MARCHF8: variants seen among roughly 807,000 people sequenced by gnomAD.
MARCHF8 encodes the protein membrane associated ring-CH-type finger 8.
MARCHF8 carries 40 observed loss-of-function variants against 51.6 expected under a neutral mutation model. The ratio of observed to expected loss-of-function variants is 0.77; its 90% CI spans 0.60 to 1.01. MARCHF8 has a LOEUF of 1.01. MARCHF8 is among the 50% of genes least tolerant of loss of function. The pLI is 0.00. For synonymous variants in MARCHF8, 263 were observed against 280.3 expected (o/e 0.94, Z 0.62); for missense variants, 685 against 708.6 (o/e 0.97, Z 0.38).
intron 1 of MARCHF8, among the ~76,000 whole-genome samples, chr10:45,556,961 A>C (rs1182871099): frequency 6.6e-6 from 1 of 152,118 alleles, no homozygotes; most frequent in African/African-American, 2.4e-5. Flanking sequence ...TTGTGGTAAA[A>C]AACACAAAAC....
intron 1 of MARCHF8, among the ~76,000 whole-genome samples, chr10:45,553,844 CA>C (rs1328522974): frequency 6.6e-6 from 1 of 152,072 alleles, no homozygotes; most frequent in Non-Finnish European, 1.5e-5. Flanking sequence ...CACACACACA[CA>C]CACACACTCT....
At chr10:45,591,351 G>A (rs2044678632) in intron 1 of MARCHF8, among the ~76,000 whole-genome samples, 1 of 152,068 alleles carries the variant, frequency 6.6e-6, no homozygotes, top group Non-Finnish European at 1.5e-5. Context: ...CATAGTCCTA[G>A]CTACTTGGGA....
At chr10:45,574,417 C>A (rs2044466244) in intron 1 of MARCHF8, among the ~76,000 whole-genome samples, 1 of 152,134 alleles carries the variant, frequency 6.6e-6, no homozygotes, top group African/African-American at 2.4e-5. Flanking sequence ...ATCCTCAATA[C>A]CTCCCCTCCA....
chr10:45,500,871 A>G (rs1441348838), intron 2 of MARCHF8, among the ~76,000 whole-genome samples: 1 of 151,980 alleles, frequency 6.6e-6, no homozygotes, highest in Non-Finnish European at 1.5e-5. Flanking sequence ...CTATATATAT[A>G]TATACATATA....
intron 2 of MARCHF8, among the ~76,000 whole-genome samples, chr10:45,508,080 C>T (rs1278396740): frequency 1.3e-5 from 2 of 152,080 alleles, no homozygotes; most frequent in Non-Finnish European, 2.9e-5. Flanking sequence ...AAATGCTTTA[C>T]AATCATGTAA....
intron 1 of MARCHF8, among the ~76,000 whole-genome samples, chr10:45,578,998 G>A (rs1382019201): frequency 2.6e-5 from 4 of 152,144 alleles, no homozygotes; most frequent in Non-Finnish European, 4.4e-5. Flanking sequence ...GAAAACAAAA[G>A]GGCAATAAAG....
intron 2 of MARCHF8, among the ~76,000 whole-genome samples, chr10:45,493,746 G>C (rs1465825500): frequency 6.6e-6 from 1 of 152,100 alleles, no homozygotes; most frequent in African/African-American, 2.4e-5. Flanking sequence ...TCCAAATCTT[G>C]AACCAGAAAA....
Position 45,463,667 on chromosome 10 carries a change from C to T in MARCHF8, c.572G>A (p.Cys191Tyr). The change falls in exon 5 of 8, where the codon TGT (cysteine) becomes TAT (tyrosine). Residue 191 changes from cysteine to tyrosine, a missense_variant. Coordinates refer to ENST00000453424, the MANE Select transcript of MARCHF8 (RefSeq NM_001282866.2). Reference protein sequence around the residue: ...EGKLILPQDTCLRTNRFHHKE... With the variant: ...EGKLILPQDTYLRTNRFHHKE... ...ATGATGAAACCTGTTAGTTCTGAGA[C>T]ACGTATCTTGAGGGAGTATTAATTT... 1 of 1,550,750 alleles carries T rather than the reference C, an allele frequency of 6.4e-7. No homozygotes were observed. Among genetic ancestry groups the T allele is most frequent in the Non-Finnish European group, 8.7e-7 (1 of 1,147,022 alleles).
At chr10:45,536,986 G>C (rs1186786490), upstream of MARCHF8, among the ~76,000 whole-genome samples, 3 of 151,844 alleles carry the variant, frequency 2.0e-5, no homozygotes, top group Non-Finnish European at 4.4e-5. Flanking sequence ...CATAATAAAA[G>C]ACAAACAAGT....
At position 45,511,977 on chromosome 10, in the gene MARCHF8, G is replaced by A. The variant is rs1358700423; in HGVS notation, c.102+21133C>T. Among the ~76,000 whole-genome samples, 17 of 151,472 alleles carry A rather than the reference G, an allele frequency of 1.1e-4. No individual in the cohort carries two copies. In the East Asian group the frequency reaches 2.0e-3, roughly 18 times the overall value. On this transcript the variant is annotated intron_variant, in intron 2 of 7. Transcript: ENST00000453424. ...TAGGAAGTGAGGAGCGTCTCTGCCC[G>A]GCCGCCATCCCATCTAGGAAGTGAG...
intron 1 of MARCHF8, among the ~76,000 whole-genome samples, chr10:45,581,539 G>C (rs1269975634): frequency 6.6e-6 from 1 of 152,200 alleles, no homozygotes; most frequent in Non-Finnish European, 1.5e-5. Flanking sequence ...AAACTAGTAA[G>C]AATGCTTTTT....
At chr10:45,464,401 A>T in intron 3 of MARCHF8, 74 bp from the exon 4 acceptor site, 1 of 1,221,912 alleles carries the variant, frequency 8.2e-7, no homozygotes, top group African/African-American at 1.5e-5. Flanking sequence ...CTGAATGGTG[A>T]CAGGGAGAAA....
At chr10:45,580,176 C>T (rs4948679) in intron 1 of MARCHF8, among the ~76,000 whole-genome samples, 63 of 151,956 alleles carry the variant, frequency 4.1e-4, no homozygotes, top group African/African-American at 1.1e-3. Flanking sequence ...GAAATCATTA[C>T]GTAAACAACT....
intron 1 of MARCHF8, among the ~76,000 whole-genome samples, chr10:45,575,461 C>A (rs2133404187): frequency 6.6e-6 from 1 of 152,270 alleles, no homozygotes; most frequent in East Asian, 1.9e-4. Context: ...AAACCATATC[C>A]AGGCCATCAC....
intron 1 of MARCHF8, among the ~76,000 whole-genome samples, chr10:45,562,579 A>G (rs942517375): frequency 2.0e-5 from 3 of 152,234 alleles, no homozygotes; most frequent in African/African-American, 4.8e-5. Flanking sequence ...ATTCCCAGCT[A>G]AAGTAACAGA....
At chr10:45,466,162 C>T (rs1050001879) in intron 3 of MARCHF8, among the ~76,000 whole-genome samples, 2 of 152,190 alleles carry the variant, frequency 1.3e-5, no homozygotes, top group African/African-American at 4.8e-5. Context: ...CCTTTTAGTA[C>T]AATGGGCTTT....
chr10:45,506,223 TCAAGTTCA>T (rs1048102748), intron 2 of MARCHF8, among the ~76,000 whole-genome samples: 20 of 152,142 alleles, frequency 1.3e-4, no homozygotes, highest in African/African-American at 4.8e-4. Context: ...TATTAAGAAA[TCAAGTTCA>T]CATAAAAAAA....
intron 1 of MARCHF8, among the ~76,000 whole-genome samples, chr10:45,546,035 T>TA (rs1361920977): frequency 6.6e-6 from 1 of 152,108 alleles, no homozygotes; most frequent in African/African-American, 2.4e-5. Context: ...TGTTACCCAC[T>TA]AAAAAACAGT....
chr10:45,576,372 G>A (rs955269634), intron 1 of MARCHF8, among the ~76,000 whole-genome samples: 1 of 152,228 alleles, frequency 6.6e-6, no homozygotes, highest in Admixed American at 6.5e-5. Flanking sequence ...ATTGATCATA[G>A]ATCTGAACCT....
Sources: allele counts gnomAD v4.1 joint callset (sites outside exome capture counted in the v4.1 genomes callset), GRCh38; gene constraint gnomAD v4.1.1; transcripts MANE v1.5; gene names NCBI Gene and HGNC (gene_info 2026-07-23, HGNC 2026-07-21).